Variants in ERI1 observed in about 807,000 individuals in gnomAD.
The protein encoded by ERI1 is exoribonuclease 1.
A neutral mutation model predicts 39.7 loss-of-function variants in ERI1; 39 were observed. That is an observed-to-expected ratio of 0.98 (90% confidence interval 0.76 to 1.28). ERI1 has a LOEUF of 1.28. Ranked by LOEUF, ERI1 falls within the 50% of genes most tolerant of loss-of-function variation. ERI1 has a pLI of 0.00. For missense variants in ERI1, 581 were observed against 416.9 expected (o/e 1.39, Z -3.43); for synonymous variants, 204 against 149.6 (o/e 1.36, Z -2.65).
At chr8:9,073,361 A>G (rs564430758) in intron 3 of ERI1, among the ~76,000 whole-genome samples, 4 of 152,176 alleles carry the variant, frequency 2.6e-5, no homozygotes, top group African/African-American at 9.7e-5. Context: ...AAGTATCTCA[A>G]CTTATGATCC....
chr8:9,004,937 C>T (rs1336122579), intron 1 of ERI1, among the ~76,000 whole-genome samples: 1 of 152,078 alleles, frequency 6.6e-6, no homozygotes, highest in Non-Finnish European at 1.5e-5. Context: ...ATCCGCCCAC[C>T]TCGGCCTCCC....
intron 5 of ERI1, among the ~76,000 whole-genome samples, chr8:9,019,215 C>G (rs1293374429): frequency 1.3e-5 from 2 of 152,120 alleles, no homozygotes; most frequent in Non-Finnish European, 2.9e-5. Flanking sequence ...ACTCCGATAC[C>G]TTAAGGCCAT....
intron 3 of ERI1, among the ~76,000 whole-genome samples, chr8:9,066,716 G>C (rs1444552601): frequency 6.6e-6 from 1 of 152,172 alleles, no homozygotes; most frequent in Non-Finnish European, 1.5e-5. Flanking sequence ...AAATTTAAAA[G>C]AAAGGAAGAA....
At chr8:9,077,471 G>C (rs963382375) in intron 3 of ERI1, among the ~76,000 whole-genome samples, 1 of 151,570 alleles carries the variant, frequency 6.6e-6, no homozygotes, top group Non-Finnish European at 1.5e-5. Flanking sequence ...CTGTGACTCA[G>C]AGGAGGACCA....
intron 3 of ERI1, among the ~76,000 whole-genome samples, chr8:9,071,429 A>G (rs1799047438): frequency 6.6e-6 from 1 of 152,264 alleles, no homozygotes; most frequent in African/African-American, 2.4e-5. Context: ...AGCAACAAGT[A>G]TTTAAGTTTC....
intron 3 of ERI1, among the ~76,000 whole-genome samples, chr8:9,065,056 C>T (rs890550905): frequency 2.0e-5 from 3 of 152,066 alleles, no homozygotes; most frequent in Admixed American, 2.0e-4. Context: ...AAGATAATGT[C>T]ATCAGTTAAG....
intron 3 of ERI1, among the ~76,000 whole-genome samples, chr8:9,081,552 G>T (rs1389761016): frequency 6.6e-6 from 1 of 152,038 alleles, no homozygotes; most frequent in Non-Finnish European, 1.5e-5. Context: ...TGTTCCCTGG[G>T]ATCCCTCTTC....
intron 3 of ERI1, among the ~76,000 whole-genome samples, chr8:9,091,808 G>A (rs933477610): frequency 6.6e-6 from 1 of 152,152 alleles, no homozygotes; most frequent in South Asian, 2.1e-4. Flanking sequence ...TCAAGTTTCT[G>A]GATTTACAAT....
Position 9,029,926 on chromosome 8 carries a change from T to G in ERI1, c.942T>G (p.Cys314Trp). 1 of 1,614,162 alleles carries G rather than the reference T, an allele frequency of 6.2e-7. No homozygotes were observed. The highest frequency in any genetic ancestry group is 2.2e-5 in the East Asian group (1 of 44,880). ...CAGTTCGAATGCTTCAGGATGGGTG[T>G]GAACTCCGAATCAACGAGAAAATGC... ...RIAVRMLQDGCELRINEKMHA... is the reference protein window; with the variant it reads ...RIAVRMLQDGWELRINEKMHA... The change falls in exon 7 of 7, where the codon TGT (cysteine) becomes TGG (tryptophan). Residue 314 changes from cysteine to tryptophan, a missense_variant. Coordinates refer to ENST00000250263, the MANE Select transcript of ERI1 (RefSeq NM_153332.4).
intron 3 of ERI1, among the ~76,000 whole-genome samples, chr8:9,093,840 G>A (rs568448287): frequency 7.9e-4 from 120 of 152,270 alleles, no homozygotes; most frequent in Admixed American, 1.4e-3. Context: ...GCCTCCCAAA[G>A]TGCTGGGATT....
At chr8:9,078,764 A>T (rs1799284525) in intron 3 of ERI1, among the ~76,000 whole-genome samples, 1 of 152,200 alleles carries the variant, frequency 6.6e-6, no homozygotes. Context: ...CCTTCCAGGT[A>T]TCTGCTGCAT....
intron 3 of ERI1, among the ~76,000 whole-genome samples, chr8:9,076,445 T>C (rs1440137093): frequency 6.6e-6 from 1 of 152,206 alleles, no homozygotes; most frequent in Non-Finnish European, 1.5e-5. Context: ...GATTTAAATA[T>C]GACCAAGGTG....
chr8:9,063,437 G>A (rs376495415), intron 3 of ERI1, among the ~76,000 whole-genome samples: 3 of 152,300 alleles, frequency 2.0e-5, no homozygotes, highest in Admixed American at 6.5e-5. Context: ...AAGCCAGACC[G>A]GGTGTGAGGA....
chr8:9,045,028 G>A (rs1300314778), intron 3 of ERI1, among the ~76,000 whole-genome samples: 1 of 151,844 alleles, frequency 6.6e-6, no homozygotes, highest in Admixed American at 6.6e-5. Context: ...ACGAGGTCAG[G>A]AGATCGAGAC....
chr8:9,021,559 C>T (rs549375405), intron 6 of ERI1, among the ~76,000 whole-genome samples: 3 of 152,210 alleles, frequency 2.0e-5, no homozygotes, highest in East Asian at 1.9e-4. Context: ...AGAGTTTTGC[C>T]GATTGCTATA....
Position 9,003,020 on chromosome 8 carries a change from C to T in ERI1, c.-44C>T. 2 of 1,158,014 alleles carry T rather than the reference C, an allele frequency of 1.7e-6. No homozygotes were observed. Among genetic ancestry groups the T allele is most frequent in the Non-Finnish European group, 2.2e-6 (2 of 908,248 alleles). 71.7% of individuals were successfully genotyped at this position (1,158,014 alleles called of 1,614,324 possible). A position where few individuals can be genotyped will look rare whatever the true frequency, so the allele number is the denominator to read the frequency against. ...TCGGGCTCTGCAGAGTGAGAGTTAG[C>T]AAGTGTCCGGCTCCAGCAACTCTCC... On this transcript the variant is annotated 5_prime_UTR_variant, in exon 1 of 7. Coordinates refer to ENST00000250263, the MANE Select transcript of ERI1 (RefSeq NM_153332.4).
In ERI1 at chr8:9,011,536, A is replaced by G. The variant is rs760928955; in HGVS notation, c.288-6A>G. On this transcript the variant is annotated splice_polypyrimidine_tract_variant and splice_region_variant and intron_variant, in intron 2 of 6. Transcript: ENST00000250263. ...TAAGTGTAACTAGTCTTCTTCTTCT[A>G]CTTAGAGGAGTAAAGGATGTTCTAA... The G allele has an allele frequency of 5.0e-6, 8 of 1,584,682 alleles. No homozygotes were observed. Among genetic ancestry groups the G allele is most frequent in the South Asian group, 3.4e-5 (3 of 88,450 alleles).
intron 3 of ERI1, among the ~76,000 whole-genome samples, chr8:9,014,462 C>T (rs780778485): frequency 6.6e-6 from 1 of 152,218 alleles, no homozygotes; most frequent in African/African-American, 2.4e-5. Flanking sequence ...CCTACTTTAT[C>T]TTCCTGAGTA....
intron 2 of ERI1, chr8:9,009,160 A>G (rs539725442): frequency 2.5e-5 from 11 of 447,166 alleles, no homozygotes; most frequent in Middle Eastern, 3.3e-4. Flanking sequence ...CGTTTATTCA[A>G]CAAGCCTGTA....
Sources: gnomAD v4.1 joint callset for allele counts (sites outside exome capture counted in the v4.1 genomes callset) on GRCh38, gnomAD v4.1.1 for gene constraint, MANE v1.5 for transcripts, NCBI Gene and HGNC (gene_info 2026-07-23, HGNC 2026-07-21) for gene names.